FARS2: variants seen among roughly 807,000 people sequenced by gnomAD.
FARS2 encodes the protein phenylalanyl-tRNA synthetase 2, mitochondrial, also known as phenylalanine--tRNA ligase, mitochondrial.
FARS2 carries 40 observed loss-of-function variants against 46.4 expected under a neutral mutation model. The observed-to-expected ratio is 0.86, with a 90% CI of 0.67 to 1.12. The LOEUF is 1.12. FARS2 is among the 50% of genes most tolerant of loss of function. FARS2 has a pLI of 0.00. For synonymous variants in FARS2, 234 were observed against 214.9 expected (o/e 1.09, Z -0.78); for missense variants, 513 against 567.9 (o/e 0.90, Z 0.98).
chr6:5,331,807 G>T (rs546302484), intron 1 of FARS2, among the ~76,000 whole-genome samples: 1 of 152,122 alleles, frequency 6.6e-6, no homozygotes, highest in Non-Finnish European at 1.5e-5. Flanking sequence ...CTCTATAGTC[G>T]CTGGTCTTGG....
chr6:5,392,906 T>TTA (rs1178806316), intron 2 of FARS2, among the ~76,000 whole-genome samples: 7 of 87,614 alleles, frequency 8.0e-5, no homozygotes, highest in Admixed American at 2.6e-4. Context: ...TGTGTATATA[T>TTA]TATATATATG....
At chr6:5,721,347 CT>C (rs1759893323) in intron 6 of FARS2, among the ~76,000 whole-genome samples, 1 of 152,172 alleles carries the variant, frequency 6.6e-6, no homozygotes, top group African/African-American at 2.4e-5. Context: ...TGTTAATAGA[CT>C]TTTGAGAAAA....
At chr6:5,682,333 AT>A (rs1445766011) in intron 6 of FARS2, among the ~76,000 whole-genome samples, 1 of 152,230 alleles carries the variant, frequency 6.6e-6, no homozygotes, top group East Asian at 1.9e-4. Flanking sequence ...CAGATGAGAA[AT>A]TTTTTAAATT....
intron 4 of FARS2, among the ~76,000 whole-genome samples, chr6:5,534,858 C>T (rs6925295): frequency 0.1 from 15,673 of 151,180 alleles, 889 homozygotes; most frequent in Middle Eastern, 0.17. Context: ...CACTTGCACG[C>T]GCACACACAC....
intron 6 of FARS2, among the ~76,000 whole-genome samples, chr6:5,738,797 A>G (rs1761111508): frequency 6.6e-6 from 1 of 151,960 alleles, no homozygotes; most frequent in Non-Finnish European, 1.5e-5. Context: ...CAGTTTCAAG[A>G]CTCCTGAAAG....
chr6:5,731,196 T>A (rs1760601145), intron 6 of FARS2, among the ~76,000 whole-genome samples: 1 of 152,068 alleles, frequency 6.6e-6, no homozygotes, highest in Non-Finnish European at 1.5e-5. Flanking sequence ...ACTGGGAAAA[T>A]GAGACTGAGT....
intron 6 of FARS2, among the ~76,000 whole-genome samples, chr6:5,638,140 T>G (rs1189374196): frequency 6.6e-6 from 1 of 152,196 alleles, no homozygotes; most frequent in African/African-American, 2.4e-5. Flanking sequence ...GTCCAGTCAC[T>G]CTCTGATCCT....
chr6:5,603,962 G>A (rs148348681), intron 5 of FARS2, among the ~76,000 whole-genome samples: 30 of 152,240 alleles, frequency 2.0e-4, no homozygotes, highest in African/African-American at 6.5e-4. Flanking sequence ...ATATTCTATG[G>A]TACCATTCCA....
intron 3 of FARS2, among the ~76,000 whole-genome samples, chr6:5,409,625 G>A (rs957877081): frequency 6.6e-6 from 1 of 152,164 alleles, no homozygotes; most frequent in Non-Finnish European, 1.5e-5. Context: ...TTGTCTGTAA[G>A]ACTGAGCTGG....
chr6:5,555,789 A>C (rs1341686026), intron 5 of FARS2, among the ~76,000 whole-genome samples: 2 of 152,150 alleles, frequency 1.3e-5, no homozygotes, highest in Non-Finnish European at 2.9e-5. Context: ...TCTCAGAAAA[A>C]AACTAATAGG....
chr6:5,610,070 A>T, intron 5 of FARS2: 1 of 915,740 alleles, frequency 1.1e-6, no homozygotes. Context: ...TCATTACCAC[A>T]CAGTCCAGGA....
intron 6 of FARS2, among the ~76,000 whole-genome samples, chr6:5,736,331 C>T (rs1200027740): frequency 6.6e-6 from 1 of 152,238 alleles, no homozygotes; most frequent in East Asian, 1.9e-4. Flanking sequence ...TTCTCTTGAA[C>T]ACACAGACTG....
intron 4 of FARS2, among the ~76,000 whole-genome samples, chr6:5,539,581 G>T (rs546390721): frequency 2.0e-5 from 3 of 151,858 alleles, no homozygotes; most frequent in Non-Finnish European, 4.4e-5. Flanking sequence ...CTGACTTTTA[G>T]CAGTGTAGCT....
intron 1 of FARS2, among the ~76,000 whole-genome samples, chr6:5,301,869 T>C (rs1768342949): frequency 6.7e-6 from 1 of 149,668 alleles, no homozygotes; most frequent in South Asian, 2.1e-4. Flanking sequence ...GCTAAATTGG[T>C]GGACCCCACA....
chr6:5,528,954 A>G (rs1769647328), intron 4 of FARS2, among the ~76,000 whole-genome samples: 1 of 152,188 alleles, frequency 6.6e-6, no homozygotes, highest in Non-Finnish European at 1.5e-5. Context: ...AAGGGTCTTC[A>G]GTGGCATCCT....
intron 4 of FARS2, among the ~76,000 whole-genome samples, chr6:5,459,501 G>C (rs1765110377): frequency 6.6e-6 from 1 of 151,978 alleles, no homozygotes; most frequent in Non-Finnish European, 1.5e-5. Flanking sequence ...CAGTGACCCA[G>C]CCACCTTTGT....
intron 2 of FARS2, among the ~76,000 whole-genome samples, chr6:5,396,836 C>T (rs1049153454): frequency 7.2e-5 from 11 of 152,086 alleles, no homozygotes; most frequent in African/African-American, 2.4e-4. Context: ...TCTTCAAGAG[C>T]GGTAAATTGG....
rs544944203 is a variant in FARS2, at chr6:5,444,971, G to C, written c.904+13799G>C. On this transcript the variant is annotated intron_variant, in intron 4 of 6. Transcript: ENST00000274680. ...TCTTGGGCAAGTCCTGTGGGTCTCA[G>C]TTTCTTCATCTGTAAGATGAGGGGC... Among the ~76,000 whole-genome samples the C allele has an allele frequency of 4.3e-4, 66 of 152,178 alleles. 1 individual carries two copies. The highest frequency in any genetic ancestry group is 7.9e-4 in the Non-Finnish European group (54 of 68,022).
intron 6 of FARS2, among the ~76,000 whole-genome samples, chr6:5,689,976 T>A (rs1280077689): frequency 6.6e-6 from 1 of 152,196 alleles, no homozygotes; most frequent in Non-Finnish European, 1.5e-5. Context: ...TCTCTTTTGA[T>A]CTTGTTGGTT....
Sources: allele counts gnomAD v4.1 joint callset (sites outside exome capture counted in the v4.1 genomes callset), GRCh38; gene constraint gnomAD v4.1.1; transcripts MANE v1.5; gene names NCBI Gene and HGNC (gene_info 2026-07-23, HGNC 2026-07-21).